GOLGA3: variants seen among roughly 807,000 people sequenced by gnomAD.
GOLGA3 encodes golgin subfamily A member 3.
A neutral mutation model predicts 169.4 loss-of-function variants in GOLGA3; 75 were observed. That is an observed-to-expected ratio of 0.44 (90% CI 0.37 to 0.54). The LOEUF (loss-of-function observed/expected upper bound fraction) is 0.54, where lower values mean the gene tolerates loss of function less well. Among genes scored for constraint, GOLGA3 ranks in the 20% least tolerant of loss-of-function variants. The pLI, the probability that GOLGA3 is intolerant of heterozygous loss-of-function variation, is 0.00. For synonymous variants in GOLGA3, 824 were observed against 822.4 expected (o/e 1.00, Z -0.03); for missense variants, 1,899 against 1,930.0 (o/e 0.98, Z 0.30).
chr12:132,818,345 C>A (rs895369485), intron 2 of GOLGA3, among the ~76,000 whole-genome samples: 1 of 152,222 alleles, frequency 6.6e-6, no homozygotes, highest in Non-Finnish European at 1.5e-5. Context: ...CTGCAAGCTC[C>A]ACTCACCAGA....
intron 11 of GOLGA3, among the ~76,000 whole-genome samples, chr12:132,793,998 A>G (rs1021669474): frequency 6.6e-6 from 1 of 152,158 alleles, no homozygotes; most frequent in African/African-American, 2.4e-5. Flanking sequence ...TTTTCCCTAC[A>G]ATATGGAGGG....
At chr12:132,797,406 C>T (rs1367394308) in intron 9 of GOLGA3, among the ~76,000 whole-genome samples, 2 of 152,138 alleles carry the variant, frequency 1.3e-5, no homozygotes, top group East Asian at 3.9e-4. Flanking sequence ...ACAAGGCTAT[C>T]GAGTAGGTGA....
At position 132,777,307 on chromosome 12, in the gene GOLGA3, A is replaced by G. The variant is rs1334008659; in HGVS notation, c.3723-217T>C. Among the ~76,000 whole-genome samples the G allele has an allele frequency of 6.6e-6, 1 of 152,108 alleles. No homozygotes were observed. Among genetic ancestry groups the G allele is most frequent in the African/African-American group, 2.4e-5 (1 of 41,426 alleles). On this transcript the variant is annotated intron_variant, in intron 19 of 23. Coordinates refer to ENST00000450791, the MANE Select transcript of GOLGA3 (RefSeq NM_001389683.1). This position sits in a 1 kb window ranked among gnomAD's most constrained non-coding sequence, Gnocchi z 4.7. ...TTCACTGGCACCCCTCACAGATCCCAGAGACTCACTTTGCCGGCACCCCTC... is the reference window on the plus strand; with the variant it reads ...TTCACTGGCACCCCTCACAGATCCCGGAGACTCACTTTGCCGGCACCCCTC...
At position 132,795,866 on chromosome 12, in the gene GOLGA3, T is replaced by C; in HGVS notation, c.2455A>G (p.Ile819Val). The change falls in exon 11 of 24, where the codon ATC becomes GTC. Residue 819 changes from isoleucine to valine, a missense_variant. Ile to Val is a conservative substitution (Grantham distance 29). Transcript: ENST00000450791. ...TLEKLREELA[I>V]KSGQVEHLQQ... is the part of the protein sequence containing the mutation. ...GAATGCATTACCTGGCCGGATTTGATAGCTAATTCTTCTCTTAACTTCTCT... is the reference window on the plus strand; with the variant it reads ...GAATGCATTACCTGGCCGGATTTGACAGCTAATTCTTCTCTTAACTTCTCT... 6 of 1,612,092 alleles carry C rather than the reference T, an allele frequency of 3.7e-6. No homozygotes were observed. The highest frequency in any genetic ancestry group is 5.1e-6 in the Non-Finnish European group (6 of 1,178,226).
Position 132,770,475 on chromosome 12 carries a change from G to T in GOLGA3, c.*2630C>A. 1 of 152,114 alleles carries T rather than the reference G, an allele frequency of 6.6e-6. No homozygotes were observed. The highest frequency in any genetic ancestry group is 3.2e-3 in the Middle Eastern group (1 of 316). 9.4% of individuals were successfully genotyped at this position (152,114 alleles called of 1,614,324 possible). On this transcript the variant is annotated 3_prime_UTR_variant, in exon 24 of 24. Coordinates refer to ENST00000450791, the MANE Select transcript of GOLGA3 (RefSeq NM_001389683.1). ...AGGGCACACACGCAGGAAAACCGGG[G>T]TGAGAACATAGAGCTACTTTTCCTT...
At chr12:132,786,291 C>T (rs368967223) in intron 15 of GOLGA3, 48 bp downstream of exon 15, 8 of 1,314,162 alleles carry the variant, frequency 6.1e-6, no homozygotes, top group Non-Finnish European at 7.5e-6. Context: ...CCCTTCCCTG[C>T]ACTGAGGGGC....
At chr12:132,812,530 G>A (rs1236081016) in intron 4 of GOLGA3, among the ~76,000 whole-genome samples, 2 of 152,146 alleles carry the variant, frequency 1.3e-5, no homozygotes, top group Admixed American at 6.5e-5. Flanking sequence ...GGGTGGAGGG[G>A]TCAAAATATC....
Position 132,798,329 on chromosome 12 carries a change from C to T in GOLGA3, c.1938+11G>A, listed in dbSNP as rs199510743. 46 of 1,598,022 alleles carry T rather than the reference C, an allele frequency of 2.9e-5. No homozygotes were observed. The East Asian group carries it at 6.0e-4, about 21-fold the overall frequency. On this transcript the variant is annotated intron_variant, in intron 9 of 23. Coordinates refer to ENST00000450791, the MANE Select transcript of GOLGA3 (RefSeq NM_001389683.1). ...TCTCCTAAGCTTCCACGGCCCCGGC[C>T]GCAGCCTCACCTCAATGCCCTGCAG... is the stretch of plus-strand genomic sequence containing the variant.
At position 132,782,378 on chromosome 12, in the gene GOLGA3, T is replaced by C. The variant is rs765767645; in HGVS notation, c.3383A>G (p.Asn1128Ser). Residue 1128 changes from asparagine (N) to serine (S), a missense_variant, in exon 17 of 24, where the codon AAC becomes AGC. Asn to Ser is a conservative substitution (Grantham distance 46, BLOSUM62 1). Transcript: ENST00000450791. ...KGKLTGLGQS[N>S]AALREHNSIL... ...GCTGTTGTGTTCCCGCAGAGCTGCG[T>C]TGGACTGACCGAGGCCCGTAAGCTT... 1.6e-5 allele frequency: 26 copies of C among 1,614,138 alleles called. No individual in the cohort carries two copies. The highest frequency in any genetic ancestry group is 8.3e-5 in the Admixed American group (5 of 60,014).
intron 21 of GOLGA3, among the ~76,000 whole-genome samples, chr12:132,776,071 C>T (rs1274545313): frequency 6.6e-6 from 1 of 152,236 alleles, no homozygotes; most frequent in Non-Finnish European, 1.5e-5. Flanking sequence ...CCCGGGAGCA[C>T]TGCCTGGCCG....
Position 132,786,431 on chromosome 12 carries a change from G to A in GOLGA3, c.3031C>T (p.Gln1011Ter). 6.2e-7 allele frequency: 1 copy of A among 1,613,438 alleles called. No homozygotes were observed. The highest frequency in any genetic ancestry group is 8.5e-7 in the Non-Finnish European group (1 of 1,179,770). ...NAVGILSRRL[Q>*]EALAAKEAAD... Reference sequence around the variant, plus strand: ...GCCTCCTTGGCCGCGAGGGCCTCCTGCAGGCGGCGGCTGAGGATGCCCACG... The same window carrying A: ...GCCTCCTTGGCCGCGAGGGCCTCCTACAGGCGGCGGCTGAGGATGCCCACG... Residue 1011 changes from glutamine (Q) to a stop codon, truncating the protein, a stop_gained, in exon 15 of 24, where the codon CAG becomes TAG. Transcript: ENST00000450791. LOFTEE classifies it high-confidence loss of function.
intron 1 of GOLGA3, 50 bp from the exon 2 acceptor site, chr12:132,822,361 G>A: frequency 1.9e-6 from 2 of 1,073,060 alleles, no homozygotes; most frequent in Non-Finnish European, 2.5e-6. Context: ...CAGATTTCAA[G>A]TATCAATTAC....
intron 2 of GOLGA3, among the ~76,000 whole-genome samples, chr12:132,820,581 G>C (rs1445706997): frequency 6.6e-6 from 1 of 152,132 alleles, no homozygotes; most frequent in African/African-American, 2.4e-5. Flanking sequence ...ATTAGACTGT[G>C]ACTTCTGCTA....
At chr12:132,779,917 C>G (rs139231027) in intron 18 of GOLGA3, among the ~76,000 whole-genome samples, 2,995 of 134,114 alleles carry the variant, frequency 0.022, 70 homozygotes, top group Middle Eastern at 0.04. Context: ...CGCACAGCCC[C>G]CCGCATGCAC....
Position 132,821,974 on chromosome 12 carries a change from A to G in GOLGA3, c.133+22T>C, listed in dbSNP as rs760819901. On this transcript the variant is annotated intron_variant, in intron 2 of 23. Coordinates refer to ENST00000450791, the MANE Select transcript of GOLGA3 (RefSeq NM_001389683.1). ...CACCAGGTCCTCCTGTGACCAGCAC[A>G]CAGAGGAACCTCACGACTTACACTG... 26 of 1,561,582 alleles carry G rather than the reference A, an allele frequency of 1.7e-5. No homozygotes were observed. The Admixed American group carries it at 4.8e-4, about 29-fold the overall frequency.
intron 1 of GOLGA3, among the ~76,000 whole-genome samples, chr12:132,825,060 G>A (rs999816909): frequency 5.3e-5 from 8 of 152,168 alleles, no homozygotes; most frequent in Non-Finnish European, 1.2e-4. Context: ...ACTCGACTGC[G>A]CCACTGAATA....
At position 132,775,393 on chromosome 12, in the gene GOLGA3, C is replaced by T. The variant is rs556166434; in HGVS notation, c.3979-88G>A. On this transcript the variant is annotated intron_variant, in intron 21 of 23. Coordinates refer to ENST00000450791, the MANE Select transcript of GOLGA3 (RefSeq NM_001389683.1). Reference sequence around the variant, plus strand: ...AGTTTGTATTTTCATAGGTTAAGCACACACATGTCCTCCTCGGCGCCATCT... The same window carrying T: ...AGTTTGTATTTTCATAGGTTAAGCATACACATGTCCTCCTCGGCGCCATCT... 3.0e-4 allele frequency: 344 copies of T among 1,138,542 alleles called. 1 individual carries two copies. Among genetic ancestry groups the T allele is most frequent in the Admixed American group, 6.7e-4 (31 of 46,210 alleles). 70.5% of individuals were successfully genotyped at this position (1,138,542 alleles called of 1,614,324 possible).
At chr12:132,809,050 G>A (rs1325286682) in intron 4 of GOLGA3, among the ~76,000 whole-genome samples, 1 of 152,212 alleles carries the variant, frequency 6.6e-6, no homozygotes, top group East Asian at 1.9e-4. Flanking sequence ...GAAGGGGCAG[G>A]GTAAAGAATG....
chr12:132,783,941 C>G lies in GOLGA3; in HGVS notation c.3267+223G>C, dbSNP rs58212274. On this transcript the variant is annotated intron_variant, in intron 16 of 23. Coordinates refer to ENST00000450791, the MANE Select transcript of GOLGA3 (RefSeq NM_001389683.1). ...AAGGGTTCCACTATGAATTCTGTAA[C>G]CATTCCACCAAAGAGGCTGTACAGT... The G allele has an allele frequency of 2.0e-3, 2,905 of 1,438,870 alleles. 39 individuals carry two copies. The African/African-American group carries it at 0.035, about 17-fold the overall frequency. 89.1% of individuals were successfully genotyped at this position (1,438,870 alleles called of 1,614,324 possible).
Sources: gnomAD v4.1 joint callset for allele counts (sites outside exome capture counted in the v4.1 genomes callset) on GRCh38, gnomAD v4.1.1 for gene constraint, Gnocchi (gnomAD v3.1) non-coding constraint, MANE v1.5 for transcripts, NCBI Gene and HGNC (gene_info 2026-07-23, HGNC 2026-07-21) for gene names.